GLRA2: variants seen among roughly 807,000 people sequenced by gnomAD.
The protein encoded by GLRA2 is glycine receptor subunit alpha-2.
In GLRA2, 11 loss-of-function variants were observed where a neutral mutation model predicts 31.6. That is an observed-to-expected ratio of 0.35 (90% CI 0.22 to 0.58). GLRA2 has a LOEUF of 0.58. Among genes scored for constraint, GLRA2 ranks in the 20% least tolerant of loss-of-function variants. GLRA2 has a pLI of 0.84. For missense variants in GLRA2, 212 were observed against 351.8 expected, an observed-to-expected ratio of 0.60 and a Z score of 3.18; for synonymous variants, 132 against 134.0, an observed-to-expected ratio of 0.99 and a Z score of 0.10.
At chrX:14,490,110 T>A in the GLRA2 span, among the ~76,000 whole-genome samples, 1 of 111,316 alleles carries the variant, frequency 9.0e-6, no homozygotes, top group African/African-American at 3.3e-5. Context: ...AACCCATCAG[T>A]CAGTATCCTC....
intron 4 of GLRA2, among the ~76,000 whole-genome samples, chrX:14,588,708 A>G (rs2090108904): frequency 8.9e-6 from 1 of 111,943 alleles, no homozygotes; most frequent in African/African-American, 3.2e-5. Flanking sequence ...CTTCAAATGT[A>G]TGAGCATGGG....
chrX:14,552,443 G>A (rs892506728), intron 2 of GLRA2, among the ~76,000 whole-genome samples: 6 of 112,142 alleles, frequency 5.4e-5, no homozygotes, highest in Non-Finnish European at 3.8e-5. Flanking sequence ...TACTGTTAAC[G>A]ATATCCTTTT....
At chrX:14,519,708 AGT>A in the GLRA2 span, among the ~76,000 whole-genome samples, 28 of 112,297 alleles carry the variant, frequency 2.5e-4, no homozygotes, top group African/African-American at 8.4e-4. Flanking sequence ...CTTGGGTATC[AGT>A]AAGCTGATCT....
At chrX:14,524,842 T>A (rs2089182662), upstream of GLRA2, among the ~76,000 whole-genome samples, 1 of 110,671 alleles carries the variant, frequency 9.0e-6, no homozygotes, top group African/African-American at 3.3e-5. Context: ...GTTGTGGGCA[T>A]ATAGTAGGCT....
At chrX:14,466,150 A>T in the GLRA2 span, among the ~76,000 whole-genome samples, 1 of 111,848 alleles carries the variant, frequency 8.9e-6, no homozygotes, top group African/African-American at 3.2e-5. Flanking sequence ...TTGATTAAGT[A>T]AGGCAGAATC....
intron 8 of GLRA2, among the ~76,000 whole-genome samples, chrX:14,719,747 C>T (rs181466902): frequency 1.1e-3 from 122 of 111,794 alleles, no homozygotes; most frequent in Middle Eastern, 4.7e-3. Context: ...TATCTGCACT[C>T]CCATATTTAC....
At chrX:14,707,203 G>T (rs1296603172) in intron 8 of GLRA2, among the ~76,000 whole-genome samples, 1 of 111,528 alleles carries the variant, frequency 9.0e-6, no homozygotes, top group Non-Finnish European at 1.9e-5. Flanking sequence ...ATATGAGAGA[G>T]AAGCATGACA....
Position 14,607,264 on chromosome X carries a change from C to T in GLRA2, c.711C>T (p.Asn237=). ...KELGYCTKHY[N]TGKFTCIEVK... is the part of the protein sequence containing the mutation. Reference sequence around the variant, plus strand: ...TTGGCTACTGTACAAAGCACTACAACACTGGTAAGTTTCTTTTTTTTTTTT... The same window carrying T: ...TTGGCTACTGTACAAAGCACTACAATACTGGTAAGTTTCTTTTTTTTTTTT... Residue 237 remains asparagine (N), a synonymous_variant, in exon 6 of 9, where the codon AAC becomes AAT. Coordinates refer to ENST00000218075, the MANE Select transcript of GLRA2 (RefSeq NM_002063.4). 8.9e-7 allele frequency: 1 copy of T among 1,118,258 alleles called. No individual in the cohort carries two copies. The highest frequency in any genetic ancestry group is 1.2e-6 in the Non-Finnish European group (1 of 840,286). The allele number at this position is 1,118,258 out of a possible 1,213,427, so 92.2% of individuals were successfully genotyped here.
chrX:14,677,210 T>A (rs1369661869), intron 7 of GLRA2, among the ~76,000 whole-genome samples: 4 of 111,885 alleles, frequency 3.6e-5, no homozygotes, highest in Non-Finnish European at 7.5e-5. Flanking sequence ...GTTGTCTTTT[T>A]TTTTTGTAGC....
chrX:14,600,648 T>C (rs2147087342), intron 4 of GLRA2, among the ~76,000 whole-genome samples: 1 of 111,174 alleles, frequency 9.0e-6, no homozygotes, highest in East Asian at 2.8e-4. Flanking sequence ...CAAATTAGCA[T>C]ATCCATTCCC....
At chrX:14,544,394 A>G (rs2089449966) in intron 2 of GLRA2, among the ~76,000 whole-genome samples, 1 of 110,701 alleles carries the variant, frequency 9.0e-6, no homozygotes, top group Non-Finnish European at 1.9e-5. Flanking sequence ...ACCTGTATGA[A>G]GAATTTTCTT....
chrX:14,657,774 T>TTGA (rs1332889645), intron 7 of GLRA2, among the ~76,000 whole-genome samples: 3 of 112,190 alleles, frequency 2.7e-5, no homozygotes, highest in African/African-American at 9.7e-5. Context: ...GGAACAATGC[T>TTGA]TGATGATGAT....
At chrX:14,533,523 GA>G (rs1044537875) in intron 2 of GLRA2, among the ~76,000 whole-genome samples, 971 of 95,210 alleles carry the variant, frequency 0.01, 13 homozygotes, top group African/African-American at 0.022. Context: ...AAATTTTTCT[GA>G]AAAAAAAAAA....
At chrX:14,534,527 G>C (rs1193238439) in intron 2 of GLRA2, among the ~76,000 whole-genome samples, 1 of 110,297 alleles carries the variant, frequency 9.1e-6, no homozygotes, top group Non-Finnish European at 1.9e-5. Context: ...ATTTTTTCTT[G>C]ATGTTCCCAT....
chrX:14,705,839 A>G (rs913554566), intron 8 of GLRA2, among the ~76,000 whole-genome samples: 2 of 112,041 alleles, frequency 1.8e-5, no homozygotes, highest in Non-Finnish European at 3.8e-5. Context: ...AAATGTTGAC[A>G]TGTTGACATG....
intron 7 of GLRA2, among the ~76,000 whole-genome samples, chrX:14,635,958 T>C (rs1176258887): frequency 9.0e-6 from 1 of 110,950 alleles, no homozygotes; most frequent in South Asian, 3.8e-4. Flanking sequence ...TGAGATTGGG[T>C]CAAATGAATA....
chrX:14,601,722 C>T (rs2090277394), intron 4 of GLRA2, among the ~76,000 whole-genome samples: 1 of 111,313 alleles, frequency 9.0e-6, no homozygotes, highest in African/African-American at 3.3e-5. Flanking sequence ...AAATCGCAAC[C>T]CTTTCCTTTC....
chrX:14,625,715 A>G (rs969780666), intron 7 of GLRA2, among the ~76,000 whole-genome samples: 1 of 111,792 alleles, frequency 8.9e-6, no homozygotes, highest in Non-Finnish European at 1.9e-5. Flanking sequence ...CTGCTGAGAG[A>G]ACTGCCAGAC....
chrX:14,654,891 G>A (rs1301397407), intron 7 of GLRA2, among the ~76,000 whole-genome samples: 1 of 111,659 alleles, frequency 9.0e-6, no homozygotes, highest in Non-Finnish European at 1.9e-5. Flanking sequence ...GAGAAAGAAT[G>A]AGAACCAAGA....
Sources: gnomAD v4.1 joint callset for allele counts (sites outside exome capture counted in the v4.1 genomes callset) on GRCh38, gnomAD v4.1.1 for gene constraint, MANE v1.5 for transcripts, NCBI Gene and HGNC (gene_info 2026-07-23, HGNC 2026-07-21) for gene names.